The following FAS variants were observed in gnomAD, a reference collection of about 807,000 sequenced individuals.
The protein encoded by FAS is Fas cell surface death receptor.
In FAS, 5 loss-of-function variants were observed where a neutral mutation model predicts 33.2. The ratio of observed to expected loss-of-function variants is 0.15; its 90% CI spans 0.08 to 0.32. The LOEUF (loss-of-function observed/expected upper bound fraction) is 0.32, where lower values mean the gene tolerates loss of function less well. Among genes scored for constraint, FAS ranks in the 10% least tolerant of loss-of-function variants. The pLI, the probability that FAS is intolerant of heterozygous loss-of-function variation, is 1.00. For synonymous variants in FAS, 131 were observed against 130.7 expected (o/e 1.00, Z -0.01); for missense variants, 339 against 386.0 (o/e 0.88, Z 1.02).
At position 89,008,906 on chromosome 10, in the gene FAS, A is replaced by C; in HGVS notation, c.352A>C (p.Asn118His). ...TTTTCTAGGCTTAGAAGTGGAAATA[A>C]ACTGCACCCGGACCCAGAATACCAA... ...DEGHGLEVEI[N>H]CTRTQNTKCR... The change falls in exon 4 of 9, where the codon AAC (asparagine) becomes CAC (histidine). Residue 118 changes from asparagine (N) to histidine (H), a missense_variant. Around this residue, in one of 3 missense-constraint regions of FAS, gnomAD observed 276 missense variants for 300.1 expected, o/e 0.92. Coordinates refer to ENST00000652046, the MANE Select transcript of FAS (RefSeq NM_000043.6). 4 of 1,614,048 alleles carry C rather than the reference A, an allele frequency of 2.5e-6. No homozygotes were observed. In the South Asian group the frequency reaches 4.4e-5, roughly 18 times the overall value.
At chr10:88,976,974 T>A (rs1846578982) in intron 2 of FAS, among the ~76,000 whole-genome samples, 1 of 152,224 alleles carries the variant, frequency 6.6e-6, no homozygotes, top group South Asian at 2.1e-4. Flanking sequence ...CCCAGATTCC[T>A]TTAGATTAGC....
At chr10:88,991,185 C>G (rs1847177932) in intron 1 of FAS, 3 of 575,046 alleles carry the variant, frequency 5.2e-6, no homozygotes, top group African/African-American at 3.8e-5. Flanking sequence ...TCCGGCGCTC[C>G]TCGGAGACCA....
intron 2 of FAS, among the ~76,000 whole-genome samples, chr10:89,004,132 A>G (rs1165882716): frequency 2.6e-5 from 4 of 152,202 alleles, no homozygotes; most frequent in South Asian, 2.1e-4. Context: ...GCTAAACACA[A>G]TCAATTTGCT....
chr10:89,016,590 A>T lies in FAS; in HGVS notation c.*2140A>T, dbSNP rs1246390525. The stretch of plus-strand genomic sequence containing the variant: ...ATGTGGTTTTTTTCCTCATGGCTTC[A>T]CCTAGTGGCCCCAAGCATGACTTCT... On this transcript the variant is annotated 3_prime_UTR_variant, in exon 9 of 9. Transcript: ENST00000652046. 1.3e-5 allele frequency: 3 copies of T among 225,010 alleles called. No homozygotes were observed. The highest frequency in any genetic ancestry group is 1.1e-4 in the Admixed American group (2 of 17,464). 13.9% of individuals were successfully genotyped at this position (225,010 alleles called of 1,614,324 possible). A position where few individuals can be genotyped will look rare whatever the true frequency, so the allele number is the denominator to read the frequency against.
At chr10:88,995,593 G>A (rs762006738) in intron 1 of FAS, among the ~76,000 whole-genome samples, 2 of 152,144 alleles carry the variant, frequency 1.3e-5, no homozygotes, top group Non-Finnish European at 2.9e-5. Flanking sequence ...GGCCAAGGTG[G>A]GTGGATCATG....
At chr10:89,009,056 C>T in intron 4 of FAS, 59 bp downstream of exon 4, 1 of 1,426,214 alleles carries the variant, frequency 7.0e-7, no homozygotes. Flanking sequence ...TTATCATTTT[C>T]CTAGGGAAGT....
chr10:88,988,944 C>A (rs1156878969), upstream of FAS, among the ~76,000 whole-genome samples: 1 of 152,190 alleles, frequency 6.6e-6, no homozygotes, highest in African/African-American at 2.4e-5. Context: ...ATATTCCTAT[C>A]TCCTTGAACT....
chr10:89,011,826 C>T (rs1308317582), intron 6 of FAS, among the ~76,000 whole-genome samples, 173 bp from the exon 7 acceptor site: 2 of 152,252 alleles, frequency 1.3e-5, no homozygotes, highest in African/African-American at 2.4e-5. Context: ...GAACACTTGA[C>T]TTAGTAGTAC....
chr10:88,971,628 A>C (rs1397088061), intron 1 of FAS, among the ~76,000 whole-genome samples: 2 of 152,142 alleles, frequency 1.3e-5, no homozygotes, highest in African/African-American at 4.8e-5. Context: ...CAACCACTTT[A>C]AGAGTTCTTT....
chr10:89,010,204 A>G (rs553130337), intron 4 of FAS, among the ~76,000 whole-genome samples: 1 of 152,346 alleles, frequency 6.6e-6, no homozygotes, highest in African/African-American at 2.4e-5. Flanking sequence ...TTTAAGAGCT[A>G]GTTTAAGCTA....
chr10:88,993,743 T>C (rs1161045198), intron 1 of FAS, among the ~76,000 whole-genome samples: 1 of 152,258 alleles, frequency 6.6e-6, no homozygotes, highest in Non-Finnish European at 1.5e-5. Context: ...TTTATTTTTG[T>C]AGCTTAATTT....
At chr10:88,996,602 C>CCA (rs374834203) in intron 1 of FAS, among the ~76,000 whole-genome samples, 2 of 151,730 alleles carry the variant, frequency 1.3e-5, no homozygotes, top group Admixed American at 6.6e-5. Flanking sequence ...AGTGTTCTCG[C>CCA]CACACACACA....
chr10:88,978,850 C>A (rs977169946), intron 2 of FAS, among the ~76,000 whole-genome samples: 7 of 151,998 alleles, frequency 4.6e-5, no homozygotes, highest in African/African-American at 9.7e-5. Context: ...TTAGAAGCAA[C>A]CTTCCTTATT....
chr10:88,998,612 G>A (rs1022712489), intron 1 of FAS, among the ~76,000 whole-genome samples: 4 of 152,110 alleles, frequency 2.6e-5, no homozygotes, highest in Admixed American at 6.5e-5. Flanking sequence ...TATGAATTTG[G>A]GAGTTGGGGG....
intron 1 of FAS, among the ~76,000 whole-genome samples, chr10:88,999,317 A>G (rs1847800138): frequency 6.6e-6 from 1 of 152,092 alleles, no homozygotes; most frequent in African/African-American, 2.4e-5. Flanking sequence ...TAACCCATCT[A>G]TTTTCATCAA....
rs1352374439 is a variant in FAS, at chr10:88,970,897, G to GTA, written n.95-2276_95-2275dup. Among the ~76,000 whole-genome samples the GTA allele has an allele frequency of 4.4e-3, 668 of 150,472 alleles. 2 individuals carry two copies. Among genetic ancestry groups the GTA allele is most frequent in the Middle Eastern group, 0.017 (5 of 292 alleles). On this transcript the variant is annotated intron_variant and non_coding_transcript_variant, in intron 1 of 3. Coordinates refer to the FAS transcript ENST00000688239. ...AAAGTGTGTGTGTGTGTGTGTGTGTGTATATATATAAAGAATTCCCCACTT... is the reference window on the plus strand; with the variant it reads ...AAAGTGTGTGTGTGTGTGTGTGTGTGTATATATATATAAAGAATTCCCCACTT...
intron 7 of FAS, chr10:89,012,284 C>A (rs886376678): frequency 1.7e-5 from 9 of 521,636 alleles, no homozygotes; most frequent in Admixed American, 6.1e-5. Flanking sequence ...CTCAAGTGAT[C>A]CTCCTGCCTC....
At chr10:88,993,847 G>A (rs905432811) in intron 1 of FAS, among the ~76,000 whole-genome samples, 1 of 152,042 alleles carries the variant, frequency 6.6e-6, no homozygotes, top group Non-Finnish European at 1.5e-5. Context: ...CAAAGGACTT[G>A]AGAAGTCTTA....
upstream of FAS, among the ~76,000 whole-genome samples, chr10:88,985,730 T>C: frequency 6.6e-6 from 1 of 152,176 alleles, no homozygotes; most frequent in East Asian, 1.9e-4. Context: ...ATGTCTCTTG[T>C]TCCTTCCAGT....
Sources: allele counts gnomAD v4.1 joint callset (sites outside exome capture counted in the v4.1 genomes callset), GRCh38; gene constraint gnomAD v4.1.1; regional missense constraint gnomAD v4.1.1; transcripts MANE v1.5; gene names NCBI Gene and HGNC (gene_info 2026-07-23, HGNC 2026-07-21).